Variants in SOX5 observed in about 807,000 individuals in gnomAD.
SOX5 encodes the protein SRY-box transcription factor 5.
Under a neutral mutation model 92.0 loss-of-function variants are expected in SOX5, and 9 were observed. The ratio of observed to expected loss-of-function variants is 0.10; its 90% CI spans 0.06 to 0.17. The LOEUF is 0.17. Among genes scored for constraint, SOX5 ranks in the 10% least tolerant of loss-of-function variants. The pLI is 1.00. For synonymous variants in SOX5, 344 were observed against 336.3 expected (o/e 1.02, Z -0.25); for missense variants, 642 against 944.5 (o/e 0.68, Z 4.20).
intron 2 of SOX5, among the ~76,000 whole-genome samples, chr12:23,886,780 T>G (rs1190604232): frequency 6.6e-6 from 1 of 152,124 alleles, no homozygotes; most frequent in Admixed American, 6.5e-5. Flanking sequence ...AATCAAAAAC[T>G]GACTGGAAAT....
chr12:24,201,600 G>C (rs1957526561), intron 4 of SOX5, among the ~76,000 whole-genome samples: 1 of 152,160 alleles, frequency 6.6e-6, no homozygotes, highest in Non-Finnish European at 1.5e-5. Context: ...TAACATCAAT[G>C]TGTGTGAAAA....
chr12:23,663,177 T>C (rs1360733006), intron 7 of SOX5, among the ~76,000 whole-genome samples: 5 of 152,226 alleles, frequency 3.3e-5, no homozygotes, highest in Admixed American at 3.3e-4. Flanking sequence ...CTTTTGCTAC[T>C]GGCTTCTGCT....
chr12:24,109,114 G>C (rs1485789788), intron 4 of SOX5, among the ~76,000 whole-genome samples: 1 of 152,024 alleles, frequency 6.6e-6, no homozygotes, highest in Non-Finnish European at 1.5e-5. Flanking sequence ...TATTTCTAAA[G>C]TTTATTATCT....
At chr12:23,979,635 C>T (rs1569368493) in intron 4 of SOX5, among the ~76,000 whole-genome samples, 3 of 146,552 alleles carry the variant, frequency 2.0e-5, no homozygotes, top group Non-Finnish European at 4.5e-5. Flanking sequence ...GATTAATTTT[C>T]CCAGCATGAG....
At chr12:24,325,251 T>G (rs1950569118) in intron 2 of SOX5, among the ~76,000 whole-genome samples, 1 of 152,186 alleles carries the variant, frequency 6.6e-6, no homozygotes, top group Non-Finnish European at 1.5e-5. Flanking sequence ...AAAGTAGGCT[T>G]TCAGTTGGGC....
intron 1 of SOX5, among the ~76,000 whole-genome samples, chr12:24,509,705 T>A (rs1287685785): frequency 1.3e-5 from 2 of 152,330 alleles, no homozygotes; most frequent in East Asian, 1.9e-4. Flanking sequence ...ATTAGCAAGC[T>A]ATAAAAAGGC....
chr12:23,817,062 A>C (rs2096009758), intron 3 of SOX5, among the ~76,000 whole-genome samples: 1 of 152,186 alleles, frequency 6.6e-6, no homozygotes, highest in Non-Finnish European at 1.5e-5. Context: ...TTTGTGTTAT[A>C]TATTTGTGTG....
intron 2 of SOX5, among the ~76,000 whole-genome samples, chr12:24,303,577 A>G (rs1312474640): frequency 4.6e-5 from 7 of 152,012 alleles, no homozygotes; most frequent in Admixed American, 3.9e-4. Flanking sequence ...AGTTATAAGT[A>G]CTATAATACA....
chr12:23,718,802 GCT>G (rs750701763), intron 6 of SOX5, among the ~76,000 whole-genome samples: 1 of 152,178 alleles, frequency 6.6e-6, no homozygotes, highest in Non-Finnish European at 1.5e-5. Context: ...ACAAATGGCT[GCT>G]AATGCAGCTA....
intron 4 of SOX5, among the ~76,000 whole-genome samples, chr12:24,042,280 A>T (rs1956598453): frequency 6.6e-6 from 1 of 152,146 alleles, no homozygotes; most frequent in South Asian, 2.1e-4. Context: ...ACTTTAGCAT[A>T]ATATCAATAT....
rs199850084 is a variant in SOX5 at position 24,044,838 on chromosome 12, A to C, written c.-1-148814T>G. Among the ~76,000 whole-genome samples the C allele has an allele frequency of 2.6e-5, 4 of 152,242 alleles. No individual in the cohort carries two copies. The East Asian group carries it at 7.7e-4, about 29-fold the overall frequency. ...AGAATACATATTTGTTAAAGCAACA[A>C]ATGAGTGAATGAAGGAATTAACTCT... On this transcript the variant is annotated intron_variant, in intron 4 of 4. Transcript: ENST00000446891.
chr12:23,612,616 T>A (rs1031062500), intron 8 of SOX5, among the ~76,000 whole-genome samples: 2 of 152,180 alleles, frequency 1.3e-5, no homozygotes, highest in South Asian at 4.1e-4. Flanking sequence ...AATTAACATA[T>A]ATGCAATGTG....
intron 1 of SOX5, among the ~76,000 whole-genome samples, chr12:24,547,341 G>A (rs1048399985): frequency 3.3e-5 from 5 of 151,540 alleles, no homozygotes; most frequent in African/African-American, 4.8e-5. Context: ...ACAGGCGCCC[G>A]CCACCGCGCC....
chr12:24,491,077 T>C lies in SOX5; in HGVS notation c.-251+71252A>G, dbSNP rs117620323. ...CTCTTTCTTTCTTTCTTTCCTTCTT[T>C]CTTTCTTTCTGTCTTCATGCCAGGG... On this transcript the variant is annotated intron_variant, in intron 1 of 4. Transcript: ENST00000446891. 4.4e-4 allele frequency among the ~76,000 whole-genome samples: 67 copies of C among 152,270 alleles called. 2 individuals carry two copies. In the East Asian group the frequency reaches 0.013, roughly 29 times the overall value.
chr12:23,568,830 A>T (rs1007989803), intron 10 of SOX5, among the ~76,000 whole-genome samples: 5 of 151,364 alleles, frequency 3.3e-5, no homozygotes, highest in Non-Finnish European at 7.4e-5. Flanking sequence ...TCCTATCTTT[A>T]GGCTTACACT....
chr12:24,383,953 T>C (rs771267584), intron 1 of SOX5, among the ~76,000 whole-genome samples: 3 of 152,186 alleles, frequency 2.0e-5, no homozygotes, highest in Non-Finnish European at 4.4e-5. Context: ...GTTATCTTCA[T>C]GCTGCTCTCA....
chr12:24,306,272 A>G (rs1796153979), intron 2 of SOX5, among the ~76,000 whole-genome samples: 1 of 152,192 alleles, frequency 6.6e-6, no homozygotes, highest in Admixed American at 6.5e-5. Context: ...TGATCTGGAG[A>G]TAAAGAAGAC....
rs1555203069 is a variant in SOX5 at position 24,263,547 on chromosome 12, A to AAC, written c.-77+13668_-77+13669insGT. Reference sequence around the variant, plus strand: ...CGTCTCAAAAAAAAAAAAACAAAAAAAAAAACAAAAACAAGAAATTACTAA... The same window carrying AAC: ...CGTCTCAAAAAAAAAAAAACAAAAAAACAAAAACAAAAACAAGAAATTACTAA... On this transcript the variant is annotated intron_variant, in intron 3 of 4. Coordinates refer to the SOX5 transcript ENST00000446891. Among the ~76,000 whole-genome samples, 477 of 144,844 alleles carry AAC rather than the reference A, an allele frequency of 3.3e-3. 14 individuals carry two copies. Among genetic ancestry groups the AAC allele is most frequent in the Middle Eastern group, 0.01 (3 of 286 alleles).
At chr12:24,030,005 G>A (rs571213643) in intron 4 of SOX5, among the ~76,000 whole-genome samples, 1 of 151,954 alleles carries the variant, frequency 6.6e-6, no homozygotes, top group East Asian at 1.9e-4. Flanking sequence ...ACCTTATGAG[G>A]TACGTGTTGT....
Sources: gnomAD v4.1 joint callset for allele counts (sites outside exome capture counted in the v4.1 genomes callset) on GRCh38, gnomAD v4.1.1 for gene constraint, MANE v1.5 for transcripts, NCBI Gene and HGNC (gene_info 2026-07-23, HGNC 2026-07-21) for gene names.